The following MYO16 variants were observed in gnomAD, a reference collection of about 807,000 sequenced individuals.
The protein encoded by MYO16 is unconventional myosin-XVI.
MYO16 carries 94 observed loss-of-function variants against 205.3 expected under a neutral mutation model. The ratio of observed to expected loss-of-function variants is 0.46; its 90% CI spans 0.39 to 0.54. MYO16 has a LOEUF of 0.54. Among genes scored for constraint, MYO16 ranks in the 20% least tolerant of loss-of-function variants. The probability of loss-of-function intolerance (pLI) is 0.00; values close to 1 mark genes in which losing one functional copy is unlikely to be tolerated. For synonymous variants in MYO16, 988 were observed against 954.0 expected, an observed-to-expected ratio of 1.04 and a Z score of -0.66; for missense variants, 2,315 against 2,387.5, an observed-to-expected ratio of 0.97 and a Z score of 0.63.
rs374916743 is a variant in MYO16 at position 108,883,332 on chromosome 13, C to T, written c.1553+146C>T. 2.8e-4 allele frequency: 290 copies of T among 1,039,458 alleles called. 2 individuals are homozygous for T. The East Asian group carries it at 6.0e-3, about 21-fold the overall frequency. The allele number at this position is 1,039,458 out of a possible 1,614,324, so 64.4% of individuals were successfully genotyped here. ...ATCTTTGCAATAAGTACATTTGACT[C>T]GTTACAAAGGAGAAACATCTTGGCT... On this transcript the variant is annotated intron_variant, in intron 13 of 34. Coordinates refer to ENST00000457511, the MANE Select transcript of MYO16 (RefSeq NM_001198950.3).
Position 109,055,579 on chromosome 13 carries a change from T to C in MYO16, c.3319T>C (p.Ser1107Pro), listed in dbSNP as rs1887391242. ...RYGYPVRLSF[S>P]DFLSRYKPLA... ...TGGATACCCTGTTCGCCTTTCCTTC[T>C]CGGATTTCCTGTCAAGGTAAATTCT... Residue 1107 changes from serine (S) to proline (P), a missense_variant, in exon 27 of 35, where the codon TCG (serine) becomes CCG (proline). Physicochemically the swap from Ser to Pro is moderately conservative, Grantham distance 74 (BLOSUM62 -1). Around this residue, in one of 3 missense-constraint regions of MYO16, gnomAD observed 1,097 missense variants for 1,092.0 expected, o/e 1.00. Coordinates refer to ENST00000457511, the MANE Select transcript of MYO16 (RefSeq NM_001198950.3). The surrounding 1 kb of genome is among the most constrained non-coding windows in gnomAD (Gnocchi z 5.0). The C allele has an allele frequency of 1.2e-6, 2 of 1,610,504 alleles. No individual in the cohort carries two copies. Among genetic ancestry groups the C allele is most frequent in the Non-Finnish European group, 8.5e-7 (1 of 1,179,186 alleles).
intron 16 of MYO16, among the ~76,000 whole-genome samples, chr13:108,919,640 G>A (rs980703660): frequency 1.3e-5 from 2 of 152,228 alleles, no homozygotes; most frequent in Non-Finnish European, 1.5e-5. Context: ...AGTCCTTCTT[G>A]TGTTGAGAGA....
At chr13:108,578,526 A>G in the MYO16 span, among the ~76,000 whole-genome samples, 5 of 152,276 alleles carry the variant, frequency 3.3e-5, no homozygotes, top group African/African-American at 1.2e-4. Flanking sequence ...AGGATTCCAT[A>G]TCCCTTTTTG....
chr13:109,072,120 T>C (rs533494837), intron 27 of MYO16, among the ~76,000 whole-genome samples: 6 of 152,326 alleles, frequency 3.9e-5, no homozygotes, highest in Admixed American at 2.6e-4. Context: ...AAACAGCTTC[T>C]GTGCTCTAGC....
At chr13:108,589,179 T>G in the MYO16 span, among the ~76,000 whole-genome samples, 11 of 152,336 alleles carry the variant, frequency 7.2e-5, no homozygotes, top group Admixed American at 3.9e-4. Context: ...AACTTATTTT[T>G]TCTCAAGGGC....
chr13:108,500,896 C>G, the MYO16 span, among the ~76,000 whole-genome samples: 1 of 152,158 alleles, frequency 6.6e-6, no homozygotes, highest in African/African-American at 2.4e-5. Context: ...CGCTCCCTGC[C>G]CAGCTCCAGC....
At chr13:108,638,682 C>A (rs563708279) in intron 1 of MYO16, among the ~76,000 whole-genome samples, 1 of 152,268 alleles carries the variant, frequency 6.6e-6, no homozygotes, top group South Asian at 2.1e-4. Flanking sequence ...CATTCACTCA[C>A]GCCAGACATT....
intron 31 of MYO16, among the ~76,000 whole-genome samples, chr13:109,136,432 A>G (rs1876781242): frequency 6.6e-6 from 1 of 152,160 alleles, no homozygotes; most frequent in Non-Finnish European, 1.5e-5. Flanking sequence ...TGCCATCTGA[A>G]GAGCCTGGCA....
intron 16 of MYO16, among the ~76,000 whole-genome samples, chr13:108,921,061 T>A (rs1881726389): frequency 6.6e-6 from 1 of 152,228 alleles, no homozygotes; most frequent in South Asian, 2.1e-4. Context: ...CCTGCCCATG[T>A]GGCTGTAGCA....
intron 13 of MYO16, 135 bp downstream of exon 13, chr13:108,883,321 T>A (rs1467575846): frequency 1.8e-6 from 2 of 1,109,562 alleles, no homozygotes; most frequent in Non-Finnish European, 2.5e-6. Flanking sequence ...TTGCAATAAG[T>A]ACATTTGACT....
intron 13 of MYO16, among the ~76,000 whole-genome samples, chr13:108,884,300 C>T (rs1879755000): frequency 6.6e-6 from 1 of 152,224 alleles, no homozygotes; most frequent in African/African-American, 2.4e-5. Flanking sequence ...GATGGGCGCA[C>T]ACTTTAGTTT....
the MYO16 span, among the ~76,000 whole-genome samples, chr13:108,499,093 T>A: frequency 1.3e-5 from 2 of 152,250 alleles, no homozygotes; most frequent in Non-Finnish European, 2.9e-5. Flanking sequence ...CAGTCAGTGC[T>A]TTCAGAACAT....
At chr13:108,893,902 AG>A (rs1217121567) in intron 14 of MYO16, among the ~76,000 whole-genome samples, 1 of 152,196 alleles carries the variant, frequency 6.6e-6, no homozygotes, top group Non-Finnish European at 1.5e-5. Flanking sequence ...GTGTAGTAAA[AG>A]AATGATAGAG....
chr13:108,565,999 T>A, the MYO16 span, among the ~76,000 whole-genome samples: 1 of 151,890 alleles, frequency 6.6e-6, no homozygotes, highest in African/African-American at 2.4e-5. Flanking sequence ...TTTTTTTTTT[T>A]AATGTGTCTT....
rs753914900 is a variant in MYO16 at position 108,712,692 on chromosome 13, C to G, written c.324C>G (p.Pro108=). Residue 108 remains proline (P), a synonymous_variant, in exon 3 of 35, where the codon CCC becomes CCG. Transcript: ENST00000457511. ...VLRLLKEGAD[P]HTLVSSGGSL... Reference sequence around the variant, plus strand: ...GGCTCCTGAAGGAGGGGGCAGACCCCCACACCCTCGTCTCCTCGGGAGGGT... The same window carrying G: ...GGCTCCTGAAGGAGGGGGCAGACCCGCACACCCTCGTCTCCTCGGGAGGGT... The G allele has an allele frequency of 2.5e-6, 4 of 1,614,034 alleles. No homozygotes were observed. Among genetic ancestry groups the G allele is most frequent in the African/African-American group, 1.3e-5 (1 of 74,936 alleles).
At chr13:108,793,718 T>C (rs1247822142) in intron 6 of MYO16, 78 bp downstream of exon 6, 1 of 1,394,932 alleles carries the variant, frequency 7.2e-7, no homozygotes, top group Non-Finnish European at 9.7e-7. Context: ...ATTCATTAAA[T>C]TAACCTTTAA....
intron 23 of MYO16, among the ~76,000 whole-genome samples, chr13:109,038,330 G>T (rs188310666): frequency 3.0e-4 from 46 of 152,212 alleles, no homozygotes; most frequent in African/African-American, 1.0e-3. Context: ...AGCTTCAAGT[G>T]GGTGGGTGGG....
At chr13:109,186,617 C>CAG (rs1051305409) in intron 34 of MYO16, among the ~76,000 whole-genome samples, 6 of 152,258 alleles carry the variant, frequency 3.9e-5, no homozygotes, top group African/African-American at 1.4e-4. Context: ...TCAACACACA[C>CAG]ACACACACAC....
At chr13:108,923,977 T>C (rs1229930206) in intron 16 of MYO16, among the ~76,000 whole-genome samples, 1 of 152,236 alleles carries the variant, frequency 6.6e-6, no homozygotes, top group Non-Finnish European at 1.5e-5. Flanking sequence ...CGTTTTGACA[T>C]TGGTATCTTT....
Sources: gnomAD v4.1 joint callset for allele counts (sites outside exome capture counted in the v4.1 genomes callset) on GRCh38, gnomAD v4.1.1 for gene constraint, gnomAD v4.1.1 regional missense constraint, Gnocchi (gnomAD v3.1) non-coding constraint, MANE v1.5 for transcripts, NCBI Gene and HGNC (gene_info 2026-07-23, HGNC 2026-07-21) for gene names.